The following RHOD variants were observed in gnomAD, a reference collection of about 807,000 sequenced individuals.
The protein encoded by RHOD is ras homolog family member D.
Under a neutral mutation model 16.7 loss-of-function variants are expected in RHOD, and 11 were observed. The observed-to-expected ratio is 0.66, with a 90% CI of 0.41 to 1.09. The LOEUF (loss-of-function observed/expected upper bound fraction) is 1.09. Among genes scored for constraint, RHOD ranks in the 50% least tolerant of loss-of-function variants. The pLI is 0.00. For missense variants in RHOD, 271 were observed against 291.7 expected (o/e 0.93, Z 0.52); for synonymous variants, 124 against 126.3 (o/e 0.98, Z 0.12).
At chr11:67,060,245 TC>T (rs1854869415) in intron 1 of RHOD, among the ~76,000 whole-genome samples, 1 of 152,106 alleles carries the variant, frequency 6.6e-6, no homozygotes, top group Admixed American at 6.6e-5. Flanking sequence ...TTGAGCCAGG[TC>T]CCCCATCTTG....
chr11:67,058,509 C>T (rs994616901), intron 1 of RHOD, among the ~76,000 whole-genome samples: 2 of 152,088 alleles, frequency 1.3e-5, no homozygotes, highest in African/African-American at 4.8e-5. Context: ...TGGAGTTTTG[C>T]CATGTTGGTC....
chr11:67,058,335 C>G (rs921308720), intron 1 of RHOD, among the ~76,000 whole-genome samples: 1 of 152,164 alleles, frequency 6.6e-6, no homozygotes, highest in Non-Finnish European at 1.5e-5. Context: ...GCCACCGTGC[C>G]CAGCTAATTT....
At chr11:67,069,535 T>A (rs1854999097) in intron 3 of RHOD, among the ~76,000 whole-genome samples, 2 of 151,416 alleles carry the variant, frequency 1.3e-5, no homozygotes, top group South Asian at 4.2e-4. Flanking sequence ...ATTTTTGTAT[T>A]TTTAGTAGAG....
At position 67,056,978 on chromosome 11, in the gene RHOD, G is replaced by A. The variant is rs867968353; in HGVS notation, c.76G>A (p.Gly26Ser). Residue 26 changes from glycine (G) to serine (S), a missense_variant, in exon 1 of 5, where the codon GGC becomes AGC. Physicochemically the swap from Gly to Ser is moderately conservative, Grantham distance 56. Coordinates refer to ENST00000308831, the MANE Select transcript of RHOD (RefSeq NM_014578.4). ...RSVKVVLVGD[G>S]GCGKTSLLMV... ...CGTCAAGGTGGTCCTGGTGGGCGAC[G>A]GCGGCTGCGGGAAGACGTCGCTGCT... 2.7e-6 allele frequency: 4 copies of A among 1,507,888 alleles called. No homozygotes were observed. Among genetic ancestry groups the A allele is most frequent in the Admixed American group, 4.4e-5 (2 of 45,402 alleles). The allele number at this position is 1,507,888 out of a possible 1,614,324, so 93.4% of individuals were successfully genotyped here. A position where few individuals can be genotyped will look rare whatever the true frequency, so the allele number is the denominator to read the frequency against.
rs779114884 is a variant in RHOD, at chr11:67,070,524, C to T, written c.430C>T (p.Arg144Ter). The stretch of plus-strand genomic sequence containing the variant: ...GGACAAATCACTGGTGAACAAGCTC[C>T]GAAGAAACGGATTGGAGCCTGTGAC... ...RKDKSLVNKL[R>*]RNGLEPVTYH... is the part of the protein sequence containing the mutation. Residue 144 changes from arginine to a stop codon, truncating the protein, a stop_gained, in exon 4 of 5, where the codon CGA becomes TGA. Transcript: ENST00000308831. LOFTEE classifies it low-confidence loss of function (END_TRUNC). 5.6e-6 allele frequency: 9 copies of T among 1,613,934 alleles called. No homozygotes were observed. The highest frequency in any genetic ancestry group is 1.6e-4 in the Middle Eastern group (1 of 6,072).
intron 1 of RHOD, among the ~76,000 whole-genome samples, chr11:67,058,827 G>A: frequency 6.6e-6 from 1 of 152,190 alleles, no homozygotes; most frequent in East Asian, 1.9e-4. Flanking sequence ...TGCGGAGCTG[G>A]TGTCACCTCC....
chr11:67,070,681 G>C, intron 4 of RHOD, 122 bp downstream of exon 4: 2 of 1,126,452 alleles, frequency 1.8e-6, no homozygotes, highest in East Asian at 2.4e-5. Flanking sequence ...GGTCGTCTTA[G>C]AGGCTGTCAG....
At chr11:67,067,053 G>A (rs961084470) in intron 3 of RHOD, among the ~76,000 whole-genome samples, 8 of 152,322 alleles carry the variant, frequency 5.3e-5, no homozygotes, top group Non-Finnish European at 8.8e-5. Context: ...TGGTGGCAGC[G>A]TCTGCCCTTC....
Position 67,056,981 on chromosome 11 carries a change from G to A in RHOD, c.79G>A (p.Gly27Ser). ...SVKVVLVGDG[G>S]CGKTSLLMVF... The stretch of plus-strand genomic sequence containing the variant: ...CAAGGTGGTCCTGGTGGGCGACGGC[G>A]GCTGCGGGAAGACGTCGCTGCTGAT... Residue 27 changes from glycine (G) to serine (S), a missense_variant, in exon 1 of 5, where the codon GGC becomes AGC. Gly to Ser is a moderately conservative substitution (Grantham distance 56). Coordinates refer to ENST00000308831, the MANE Select transcript of RHOD (RefSeq NM_014578.4). The A allele has an allele frequency of 6.6e-7, 1 of 1,509,474 alleles. No individual in the cohort carries two copies. Among genetic ancestry groups the A allele is most frequent in the Non-Finnish European group, 8.8e-7 (1 of 1,138,572 alleles). 93.5% of individuals were successfully genotyped at this position (1,509,474 alleles called of 1,614,324 possible).
chr11:67,071,605 G>C lies in RHOD; in HGVS notation c.*3G>C, dbSNP rs369786958. The C allele has an allele frequency of 8.9e-5, 141 of 1,588,214 alleles. No homozygotes were observed. The highest frequency in any genetic ancestry group is 1.1e-4 in the Non-Finnish European group (128 of 1,165,490). ...AGGGCTTTTGCGTGGTGACCTGAGC[G>C]GCTCGGGGCGTCCCAGCGACGCGGG... On this transcript the variant is annotated 3_prime_UTR_variant, in exon 5 of 5. Transcript: ENST00000308831.
chr11:67,065,146 G>C lies in RHOD; in HGVS notation c.133-750G>C, dbSNP rs190660908. Among the ~76,000 whole-genome samples, 1,247 of 151,528 alleles carry C rather than the reference G, an allele frequency of 8.2e-3. 16 individuals are homozygous for C. The highest frequency in any genetic ancestry group is 0.028 in the African/African-American group (1,154 of 41,244). On this transcript the variant is annotated intron_variant, in intron 1 of 4. Transcript: ENST00000308831. ...ACTGGAATGCAATGGCGCGATCTCAGCTCACCGCAACGTCCACCTCCCGGG... is the reference window on the plus strand; with the variant it reads ...ACTGGAATGCAATGGCGCGATCTCACCTCACCGCAACGTCCACCTCCCGGG...
chr11:67,070,274 T>C, intron 3 of RHOD, 151 bp from the exon 4 acceptor site: 1 of 831,936 alleles, frequency 1.2e-6, no homozygotes, highest in Non-Finnish European at 2.0e-6. Flanking sequence ...TAGATGAGGT[T>C]CTGGTACCAA....
At chr11:67,063,789 G>A (rs1443525361) in intron 1 of RHOD, among the ~76,000 whole-genome samples, 14 of 99,830 alleles carry the variant, frequency 1.4e-4, no homozygotes, top group East Asian at 3.2e-4. Context: ...TGACAGAGCA[G>A]GACTCTCTCT....
chr11:67,060,381 AGGTGCC>A (rs1256185718), intron 1 of RHOD, among the ~76,000 whole-genome samples: 6 of 152,258 alleles, frequency 3.9e-5, no homozygotes, highest in Admixed American at 6.5e-5. Context: ...AGATAAAATT[AGGTGCC>A]ATTGATCCCA....
At chr11:67,064,105 CAA>C (rs1280364068) in intron 1 of RHOD, among the ~76,000 whole-genome samples, 17 of 45,572 alleles carry the variant, frequency 3.7e-4, no homozygotes, top group East Asian at 6.6e-4. Flanking sequence ...GACTCCGTCT[CAA>C]AAAAAAAAAA....
At chr11:67,067,758 T>G (rs1854976258) in intron 3 of RHOD, among the ~76,000 whole-genome samples, 1 of 151,602 alleles carries the variant, frequency 6.6e-6, no homozygotes, top group Non-Finnish European at 1.5e-5. Context: ...GATCAGAGTT[T>G]CTTGTTGGAT....
chr11:67,057,206 C>A (rs925019143), intron 1 of RHOD, among the ~76,000 whole-genome samples, 172 bp downstream of exon 1: 1 of 152,220 alleles, frequency 6.6e-6, no homozygotes, highest in African/African-American at 2.4e-5. Flanking sequence ...ATGAAGGCCT[C>A]AGTGATGTTA....
chr11:67,057,019 T>A lies in RHOD; in HGVS notation c.117T>A (p.Asp39Glu), dbSNP rs1345003238. ...GKTSLLMVFA[D>E]GAFPESYTPT... is the part of the protein sequence containing the mutation. ...CGTCGCTGCTGATGGTCTTCGCCGATGGGGCCTTCCCCGAGGTGAGTGCCC... is the reference window on the plus strand; with the variant it reads ...CGTCGCTGCTGATGGTCTTCGCCGAAGGGGCCTTCCCCGAGGTGAGTGCCC... Residue 39 changes from aspartate to glutamate, a missense_variant, in exon 1 of 5, where the codon GAT (aspartate) becomes GAA (glutamate). Asp to Glu is a conservative substitution (Grantham distance 45, BLOSUM62 2). Coordinates refer to ENST00000308831, the MANE Select transcript of RHOD (RefSeq NM_014578.4). 4.0e-6 allele frequency: 6 copies of A among 1,499,932 alleles called. No individual in the cohort carries two copies. The Admixed American group carries it at 6.9e-5, about 17-fold the overall frequency. The allele number at this position is 1,499,932 out of a possible 1,614,324, so 92.9% of individuals were successfully genotyped here.
chr11:67,066,179 G>A (rs554071966), intron 2 of RHOD, among the ~76,000 whole-genome samples, 196 bp downstream of exon 2: 1 of 152,292 alleles, frequency 6.6e-6, no homozygotes, highest in African/African-American at 2.4e-5. Flanking sequence ...CAGCACCCCA[G>A]GGCCGCCCGC....
Sources: gnomAD v4.1 joint callset for allele counts (sites outside exome capture counted in the v4.1 genomes callset) on GRCh38, gnomAD v4.1.1 for gene constraint, MANE v1.5 for transcripts, NCBI Gene and HGNC (gene_info 2026-07-23, HGNC 2026-07-21) for gene names.